The following PCBP2 variants were observed in gnomAD, a reference collection of about 807,000 sequenced individuals.
PCBP2 encodes poly(rC)-binding protein 2.
Under a neutral mutation model 50.1 loss-of-function variants are expected in PCBP2, and 4 were observed. The observed-to-expected ratio is 0.08, with a 90% CI of 0.04 to 0.18. The LOEUF is 0.18. PCBP2 is among the 10% of genes least tolerant of loss of function. The pLI is 1.00. For synonymous variants in PCBP2, 179 were observed against 168.0 expected (o/e 1.07, Z -0.51); for missense variants, 161 against 474.3 (o/e 0.34, Z 6.14).
chr12:53,456,806 A>G (rs1018800448), intron 5 of PCBP2, among the ~76,000 whole-genome samples: 1 of 152,144 alleles, frequency 6.6e-6, no homozygotes, highest in Non-Finnish European at 1.5e-5. Flanking sequence ...TCTTGTATTC[A>G]GTCCCTCCCT....
intron 5 of PCBP2, among the ~76,000 whole-genome samples, chr12:53,457,814 G>A (rs1307063526): frequency 2.6e-5 from 4 of 152,088 alleles, no homozygotes; most frequent in Non-Finnish European, 4.4e-5. Flanking sequence ...TATTTAAACC[G>A]CTTAATCTTC....
chr12:53,480,471 A>G lies in PCBP2; in HGVS notation c.*1029A>G, dbSNP rs1423830358. On this transcript the variant is annotated 3_prime_UTR_variant, in exon 15 of 15. Transcript: ENST00000546463. Reference sequence around the variant, plus strand: ...ACCATGTATGGTACCCCATTCATTCATCAAGAAAACCCTCAACAGCTGGGC... The same window carrying G: ...ACCATGTATGGTACCCCATTCATTCGTCAAGAAAACCCTCAACAGCTGGGC... 1 of 152,616 alleles carries G rather than the reference A, an allele frequency of 6.6e-6. No homozygotes were observed. Among genetic ancestry groups the G allele is most frequent in the Non-Finnish European group, 1.5e-5 (1 of 68,036 alleles). The allele number at this position is 152,616 out of a possible 1,614,324, so 9.5% of individuals were successfully genotyped here.
chr12:53,455,513 G>A lies in PCBP2; in HGVS notation c.126+20G>A. The A allele has an allele frequency of 6.2e-7, 1 of 1,612,372 alleles. No individual in the cohort carries two copies. The highest frequency in any genetic ancestry group is 8.5e-7 in the Non-Finnish European group (1 of 1,178,548). ...GAGGAGGTAAGTTATGAAAGACTGA[G>A]ATTGTTAACTTTGGGAAGTAAAAAA... On this transcript the variant is annotated intron_variant, in intron 4 of 14. Coordinates refer to ENST00000546463, the MANE Select transcript of PCBP2 (RefSeq NM_031989.5).
intron 2 of PCBP2, among the ~76,000 whole-genome samples, 163 bp from the exon 3 acceptor site, chr12:53,455,184 G>T (rs1215360299): frequency 6.6e-6 from 1 of 152,036 alleles, no homozygotes; most frequent in Non-Finnish European, 1.5e-5. Context: ...AATCTTTTGG[G>T]GTAATAATTA....
intron 5 of PCBP2, among the ~76,000 whole-genome samples, chr12:53,457,648 T>C (rs1279305469): frequency 3.3e-5 from 5 of 152,172 alleles, no homozygotes; most frequent in Admixed American, 6.5e-5. Flanking sequence ...GCGTGGCCTT[T>C]ATTTTATTAA....
chr12:53,460,783 A>G, intron 6 of PCBP2: 1 of 388,396 alleles, frequency 2.6e-6, no homozygotes, highest in Non-Finnish European at 4.7e-6. Context: ...AGTAGGTTAA[A>G]TTTAGGCTGT....
chr12:53,472,091 G>T (rs183628278), intron 14 of PCBP2, among the ~76,000 whole-genome samples: 1 of 152,150 alleles, frequency 6.6e-6, no homozygotes. Context: ...GAGTCCTCTG[G>T]CTAGAGCACT....
chr12:53,463,782 C>T (rs1941616804), intron 8 of PCBP2, among the ~76,000 whole-genome samples: 1 of 152,224 alleles, frequency 6.6e-6, no homozygotes, highest in South Asian at 2.1e-4. Flanking sequence ...CCTTTTCCCA[C>T]TTGGGGCTGG....
chr12:53,463,222 C>G (rs1295011872), intron 8 of PCBP2, among the ~76,000 whole-genome samples: 1 of 152,222 alleles, frequency 6.6e-6, no homozygotes, highest in Non-Finnish European at 1.5e-5. Context: ...ACCGTGGCCT[C>G]TCTGCTCCTT....
rs1186411040 is a variant in PCBP2 at position 53,454,753 on chromosome 12, C to G, written c.-48C>G. 1 of 1,537,540 alleles carries G rather than the reference C, an allele frequency of 6.5e-7. No individual in the cohort carries two copies. Among genetic ancestry groups the G allele is most frequent in the African/African-American group, 1.4e-5 (1 of 73,450 alleles). On this transcript the variant is annotated 5_prime_UTR_variant, in exon 2 of 15. Coordinates refer to ENST00000546463, the MANE Select transcript of PCBP2 (RefSeq NM_031989.5). ...TTTGGCTTTCACCCCCAACCAGTGACCAAAGACTTGACCACTCAAAGTCCA... is the reference window on the plus strand; with the variant it reads ...TTTGGCTTTCACCCCCAACCAGTGAGCAAAGACTTGACCACTCAAAGTCCA...
intron 14 of PCBP2, among the ~76,000 whole-genome samples, chr12:53,472,262 C>T (rs1370436434): frequency 1.3e-5 from 2 of 152,140 alleles, no homozygotes; most frequent in African/African-American, 4.8e-5. Context: ...ACCATTTATT[C>T]TGGAAACACC....
chr12:53,452,488 C>T (rs1391196080), intron 1 of PCBP2, 112 bp downstream of exon 1: 2 of 151,358 alleles, frequency 1.3e-5, no homozygotes, highest in East Asian at 3.9e-4. Flanking sequence ...CGTAGTCCCG[C>T]GTGAGCGCCT....
At chr12:53,461,387 C>CG (rs1363537933) in intron 7 of PCBP2, among the ~76,000 whole-genome samples, 1 of 152,116 alleles carries the variant, frequency 6.6e-6, no homozygotes, top group African/African-American at 2.4e-5. Flanking sequence ...GTAGCAGAGT[C>CG]GGGGAGAAGA....
intron 13 of PCBP2, among the ~76,000 whole-genome samples, chr12:53,469,204 C>T (rs1473933431): frequency 6.6e-6 from 1 of 151,924 alleles, no homozygotes; most frequent in African/African-American, 2.4e-5. Context: ...ACTTGGCCTA[C>T]ATGTCCTGCT....
In PCBP2 at chr12:53,471,595, G is replaced by T. The variant is rs367958702; in HGVS notation, c.883-43G>T. Reference sequence around the variant, plus strand: ...GGGTGGGATTCTTAGACCTAGCCATGCAACTCTAATTCGGTGTGCCTTGTT... The same window carrying T: ...GGGTGGGATTCTTAGACCTAGCCATTCAACTCTAATTCGGTGTGCCTTGTT... On this transcript the variant is annotated intron_variant, in intron 13 of 14. Transcript: ENST00000546463. 1.9e-6 allele frequency: 3 copies of T among 1,555,066 alleles called. No homozygotes were observed. The East Asian group carries it at 6.8e-5, about 35-fold the overall frequency.
intron 11 of PCBP2, chr12:53,467,513 AGGTTTGG>A: frequency 1.6e-6 from 1 of 629,418 alleles, no homozygotes; most frequent in Non-Finnish European, 2.8e-6. Flanking sequence ...AAGCCCTGGA[AGGTTTGG>A]GGGTGAGGTT....
At chr12:53,471,554 AG>A in intron 13 of PCBP2, 83 bp from the exon 14 acceptor site, 1 of 1,232,740 alleles carries the variant, frequency 8.1e-7, no homozygotes. Flanking sequence ...CCACAGTCGT[AG>A]GATTTGGGGT....
chr12:53,464,705 T>C (rs1444889043), intron 8 of PCBP2, 55 bp from the exon 9 acceptor site: 1 of 1,587,742 alleles, frequency 6.3e-7, no homozygotes, highest in Non-Finnish European at 8.5e-7. Flanking sequence ...TTCATGCTGG[T>C]GACAAGGTGC....
rs1940571489 is a variant in PCBP2 at position 53,452,170 on chromosome 12, C to CCCGCCCGCCCGCCCT, written c.-276_-262dup. ...CCCTCTCCCGCCCGCCCGCCCTCCG[C>CCCGCCCGCCCGCCCT]CCGCCCGCCCGCCCTCCGCCGCCCT... On this transcript the variant is annotated 5_prime_UTR_variant, in exon 1 of 15. Coordinates refer to ENST00000546463, the MANE Select transcript of PCBP2 (RefSeq NM_031989.5). 2.1e-5 allele frequency: 3 copies of CCCGCCCGCCCGCCCT among 141,206 alleles called. No individual in the cohort carries two copies. The highest frequency in any genetic ancestry group is 4.7e-5 in the Non-Finnish European group (3 of 63,652). The allele number at this position is 141,206 out of a possible 1,614,324, so 8.7% of individuals were successfully genotyped here.
Sources: gnomAD v4.1 joint callset for allele counts (sites outside exome capture counted in the v4.1 genomes callset) on GRCh38, gnomAD v4.1.1 for gene constraint, MANE v1.5 for transcripts, NCBI Gene and HGNC (gene_info 2026-07-23, HGNC 2026-07-21) for gene names.